Variants in VPS8 observed in about 807,000 individuals in gnomAD.
The protein encoded by VPS8 is vacuolar protein sorting-associated protein 8 homolog.
In VPS8, 129 loss-of-function variants were observed where a neutral mutation model predicts 216.4. The ratio of observed to expected loss-of-function variants is 0.60; its 90% CI spans 0.52 to 0.69. The LOEUF (loss-of-function observed/expected upper bound fraction) is 0.69. VPS8 is among the 30% of genes least tolerant of loss of function. The pLI, the probability that VPS8 is intolerant of heterozygous loss-of-function variation, is 0.00. For missense variants in VPS8, 1,531 were observed against 1,683.5 expected, an observed-to-expected ratio of 0.91 and a Z score of 1.59; for synonymous variants, 571 against 565.4, an observed-to-expected ratio of 1.01 and a Z score of -0.14.
intron 1 of VPS8, among the ~76,000 whole-genome samples, chr3:184,816,871 A>G (rs1352361570): frequency 6.6e-6 from 1 of 152,166 alleles, no homozygotes; most frequent in Non-Finnish European, 1.5e-5. Flanking sequence ...GCAAGAAGTT[A>G]TTGAGTGGAG....
At chr3:184,830,812 CATA>C (rs1719835004) in intron 3 of VPS8, among the ~76,000 whole-genome samples, 1 of 152,188 alleles carries the variant, frequency 6.6e-6, no homozygotes, top group South Asian at 2.1e-4. Context: ...ACTTAAGCAA[CATA>C]ATGTCTTATT....
chr3:185,021,282 C>T (rs1203470837), intron 45 of VPS8, among the ~76,000 whole-genome samples: 1 of 152,104 alleles, frequency 6.6e-6, no homozygotes, highest in Admixed American at 6.6e-5. Flanking sequence ...AGCTTCATTG[C>T]CTGGGGCATT....
chr3:184,863,148 G>A, intron 16 of VPS8, 81 bp downstream of exon 16: 1 of 1,516,662 alleles, frequency 6.6e-7, no homozygotes, highest in Non-Finnish European at 8.9e-7. Flanking sequence ...TTAGAAATAG[G>A]AACTCTGGGG....
At chr3:185,042,162 C>T (rs1413616382) in intron 46 of VPS8, among the ~76,000 whole-genome samples, 3 of 152,346 alleles carry the variant, frequency 2.0e-5, no homozygotes, top group Admixed American at 6.5e-5. Flanking sequence ...TTATTCCAGA[C>T]ATCATAACAC....
chr3:184,950,125 T>C (rs1444963929), intron 36 of VPS8, among the ~76,000 whole-genome samples: 2 of 150,394 alleles, frequency 1.3e-5, no homozygotes, highest in Non-Finnish European at 3.0e-5. Context: ...CCAGGCTGGT[T>C]TCAAACTTCT....
rs199918828 is a variant in VPS8 at position 184,924,979 on chromosome 3, C to T, written c.2572C>T (p.Gln858Ter). 67 of 1,613,148 alleles carry T rather than the reference C, an allele frequency of 4.2e-5. No homozygotes were observed. The highest frequency in any genetic ancestry group is 3.8e-5 in the Non-Finnish European group (45 of 1,179,592). Residue 858 changes from glutamine to a stop codon, truncating the protein, a stop_gained and splice_region_variant, in exon 30 of 48, where the codon CAG becomes TAG. Coordinates refer to ENST00000625842, the MANE Select transcript of VPS8 (RefSeq NM_001009921.3). LOFTEE classifies it high-confidence loss of function. Reference protein sequence around the residue: ...TLFVNRTLFDQVLEFLCSPDD... With the variant: ...TLFVNRTLFD ...GTTTGTAAACAGAACACTTTTTGAT[C>T]AGGTAAGTGTCTAGCAGTGAAAACT... is the stretch of plus-strand genomic sequence containing the variant.
intron 3 of VPS8, among the ~76,000 whole-genome samples, chr3:184,827,162 T>A (rs190501833): frequency 6.6e-6 from 1 of 152,192 alleles, no homozygotes; most frequent in South Asian, 2.1e-4. Context: ...TCCGAGTGAG[T>A]TGGGCCTCTG....
At chr3:185,043,124 C>T (rs140029616) in intron 46 of VPS8, among the ~76,000 whole-genome samples, 32 of 152,166 alleles carry the variant, frequency 2.1e-4, no homozygotes, top group African/African-American at 7.5e-4. Flanking sequence ...CCAGGGTGTC[C>T]GCGAGCAGCC....
chr3:184,951,171 AC>A (rs1560829433), intron 36 of VPS8, among the ~76,000 whole-genome samples: 2 of 152,128 alleles, frequency 1.3e-5, no homozygotes, highest in East Asian at 3.8e-4. Flanking sequence ...GAACTAATTT[AC>A]AGAATTTGAA....
chr3:184,859,842 T>G lies in VPS8; in HGVS notation c.1144-143T>G, dbSNP rs149183365. ...TTTTTTTTCTATTTTCATAATCATT[T>G]GTGTAATTATCAGTATTTTTGGCTT... On this transcript the variant is annotated intron_variant, in intron 14 of 47. Transcript: ENST00000625842. The G allele has an allele frequency of 1.5e-4, 86 of 566,522 alleles. 1 individual carries two copies. The East Asian group carries it at 2.5e-3, about 16-fold the overall frequency. 35.1% of individuals were successfully genotyped at this position (566,522 alleles called of 1,614,324 possible).
intron 35 of VPS8, among the ~76,000 whole-genome samples, chr3:184,937,220 A>G (rs1326619259): frequency 1.3e-5 from 2 of 152,188 alleles, no homozygotes; most frequent in African/African-American, 4.8e-5. Context: ...ACCACTTACC[A>G]TGGCCGTGCT....
Position 184,868,946 on chromosome 3 carries a change from A to G in VPS8, c.1507A>G (p.Arg503Gly), listed in dbSNP as rs751556640. ...GGTTTCTCTCATTTTTCCGTTTTAG[A>G]GAGTGGATCATCTCCTGAAACAAGA... ...YVMMLRSWRE[R>G]VDHLLKQDCL... The change falls in exon 19 of 48, where the codon AGA becomes GGA. Residue 503 changes from arginine to glycine, a missense_variant and splice_region_variant. Physicochemically the swap from Arg to Gly is moderately radical, Grantham distance 125 (BLOSUM62 -2). Around this residue, in one of 3 missense-constraint regions of VPS8, gnomAD observed 1,318 missense variants for 1,468.4 expected, o/e 0.90. Transcript: ENST00000625842. 18 of 1,605,364 alleles carry G rather than the reference A, an allele frequency of 1.1e-5. No homozygotes were observed. Among genetic ancestry groups the G allele is most frequent in the Non-Finnish European group, 1.5e-5 (18 of 1,175,994 alleles).
At chr3:184,915,250 A>C in intron 27 of VPS8, 105 bp from the exon 28 acceptor site, 1 of 1,439,602 alleles carries the variant, frequency 6.9e-7, no homozygotes, top group South Asian at 1.4e-5. Context: ...GTAGCAATTT[A>C]AACTGAATTC....
chr3:184,835,956 G>C lies in VPS8; in HGVS notation c.447+1214G>C, dbSNP rs559805191. Among the ~76,000 whole-genome samples, 155 of 152,080 alleles carry C rather than the reference G, an allele frequency of 1.0e-3. 6 individuals carry two copies. In the South Asian group the frequency reaches 0.032, roughly 31 times the overall value. On this transcript the variant is annotated intron_variant, in intron 5 of 47. Transcript: ENST00000625842. ...GATCTCCTGACCTTGTGATCCGCCC[G>C]CCTCAGCCTCCCAAAGTGCTAGGAT...
At chr3:184,947,549 GT>G (rs759863415) in intron 36 of VPS8, among the ~76,000 whole-genome samples, 179 of 144,420 alleles carry the variant, frequency 1.2e-3, no homozygotes, top group Non-Finnish European at 1.1e-3. Context: ...TTGTGGGCAG[GT>G]TTTTTTTTTT....
intron 15 of VPS8, 43 bp from the exon 16 acceptor site, chr3:184,862,854 G>T: frequency 6.3e-7 from 1 of 1,578,130 alleles, no homozygotes; most frequent in South Asian, 1.1e-5. Context: ...ATGATGAAGC[G>T]GGTGTGGTCT....
At chr3:184,940,300 A>C (rs1742445516) in intron 36 of VPS8, 57 bp downstream of exon 36, 1 of 722,628 alleles carries the variant, frequency 1.4e-6, no homozygotes, top group Non-Finnish European at 1.9e-6. Flanking sequence ...GAGAAATAAA[A>C]GGAAATAAAT....
chr3:184,987,764 T>C (rs1408679206), intron 42 of VPS8, among the ~76,000 whole-genome samples: 3 of 152,200 alleles, frequency 2.0e-5, no homozygotes, highest in Non-Finnish European at 4.4e-5. Flanking sequence ...ATGTGATTGC[T>C]GGATTATATA....
At chr3:184,842,018 T>C (rs1231908017) in intron 7 of VPS8, among the ~76,000 whole-genome samples, 1 of 151,938 alleles carries the variant, frequency 6.6e-6, no homozygotes, top group Non-Finnish European at 1.5e-5. Flanking sequence ...GATTTTTGGT[T>C]CCCATTTACC....
Sources: allele counts gnomAD v4.1 joint callset (sites outside exome capture counted in the v4.1 genomes callset), GRCh38; gene constraint gnomAD v4.1.1; regional missense constraint gnomAD v4.1.1; transcripts MANE v1.5; gene names NCBI Gene and HGNC (gene_info 2026-07-23, HGNC 2026-07-21).